The following PPP2R2A variants were observed in gnomAD, a reference collection of about 807,000 sequenced individuals.
PPP2R2A encodes protein phosphatase 2 regulatory subunit Balpha, also known as serine/threonine-protein phosphatase 2A 55 kDa regulatory subunit B alpha isoform.
PPP2R2A carries 9 observed loss-of-function variants against 53.2 expected under a neutral mutation model. The ratio of observed to expected loss-of-function variants is 0.17; its 90% CI spans 0.10 to 0.30. The LOEUF (loss-of-function observed/expected upper bound fraction) is 0.30, where lower values mean the gene tolerates loss of function less well. Among genes scored for constraint, PPP2R2A ranks in the 10% least tolerant of loss-of-function variants. The pLI is 1.00. For synonymous variants in PPP2R2A, 169 were observed against 174.2 expected (o/e 0.97, Z 0.23); for missense variants, 235 against 534.6 (o/e 0.44, Z 5.53).
intron 3 of PPP2R2A, chr8:26,350,774 T>A (rs957397702): frequency 6.6e-6 from 1 of 152,208 alleles, no homozygotes; most frequent in African/African-American, 2.4e-5. Context: ...AAATCTCTTA[T>A]AATTTTCTGT....
At chr8:26,332,321 A>G (rs575929621) in intron 2 of PPP2R2A, among the ~76,000 whole-genome samples, 4 of 150,316 alleles carry the variant, frequency 2.7e-5, no homozygotes, top group Non-Finnish European at 5.9e-5. Context: ...AGATCATGCC[A>G]CTGCACTCCA....
At chr8:26,361,530 C>T (rs763549265) in intron 6 of PPP2R2A, among the ~76,000 whole-genome samples, 89 of 152,116 alleles carry the variant, frequency 5.9e-4, no homozygotes, top group Non-Finnish European at 1.1e-3. Flanking sequence ...CACTTGAGGC[C>T]AGGAGTTCAA....
At chr8:26,349,165 T>A (rs1416773813) in intron 3 of PPP2R2A, among the ~76,000 whole-genome samples, 1 of 152,184 alleles carries the variant, frequency 6.6e-6, no homozygotes, top group Non-Finnish European at 1.5e-5. Flanking sequence ...AAAACAATGG[T>A]CATTATCACA....
At chr8:26,366,654 A>C (rs1805394313) in intron 9 of PPP2R2A, among the ~76,000 whole-genome samples, 1 of 152,134 alleles carries the variant, frequency 6.6e-6, no homozygotes, top group African/African-American at 2.4e-5. Context: ...GAACCAGATC[A>C]CATTTCTGAC....
In PPP2R2A at chr8:26,371,030, A is replaced by G. The variant is rs1354074168; in HGVS notation, c.*617A>G. On this transcript the variant is annotated 3_prime_UTR_variant, in exon 10 of 10. Coordinates refer to ENST00000380737, the MANE Select transcript of PPP2R2A (RefSeq NM_002717.4). ...TATAAAGGGGGTATATGTTGCAAAC[A>G]AATGTTTTAGTAACAGTTGGCTGTA... The G allele has an allele frequency of 6.5e-6, 1 of 152,684 alleles. No homozygotes were observed. Among genetic ancestry groups the G allele is most frequent in the Non-Finnish European group, 1.5e-5 (1 of 68,086 alleles). The allele number at this position is 152,684 out of a possible 1,614,324, so 9.5% of individuals were successfully genotyped here.
At chr8:26,352,686 G>T (rs1804581624) in intron 3 of PPP2R2A, among the ~76,000 whole-genome samples, 1 of 152,166 alleles carries the variant, frequency 6.6e-6, no homozygotes, top group African/African-American at 2.4e-5. Context: ...TTTTGTTTTT[G>T]GATTCTGTAA....
intron 4 of PPP2R2A, chr8:26,358,951 C>T (rs1480523252): frequency 4.4e-6 from 2 of 455,944 alleles, no homozygotes; most frequent in Non-Finnish European, 8.8e-6. Flanking sequence ...CAGAATATGG[C>T]AAGGGTGAAA....
At chr8:26,297,563 T>C (rs1052425786) in intron 2 of PPP2R2A, among the ~76,000 whole-genome samples, 2 of 152,220 alleles carry the variant, frequency 1.3e-5, no homozygotes, top group Non-Finnish European at 2.9e-5. Flanking sequence ...AGACAGTAGG[T>C]TAAGAGCACA....
Position 26,291,597 on chromosome 8 carries a change from C to A in PPP2R2A, c.-223C>A. 1.8e-6 allele frequency: 1 copy of A among 565,686 alleles called. No individual in the cohort carries two copies. Among genetic ancestry groups the A allele is most frequent in the Non-Finnish European group, 3.1e-6 (1 of 321,450 alleles). The allele number at this position is 565,686 out of a possible 1,614,324, so 35.0% of individuals were successfully genotyped here. ...CTGTCGTAGTCGCCGCCGCCGCTGC[C>A]GGAGAAAGAGCACGAGCGGGGAAGC... On this transcript the variant is annotated 5_prime_UTR_variant, in exon 1 of 10. Transcript: ENST00000380737.
chr8:26,309,360 GT>G (rs1293562098), intron 2 of PPP2R2A, among the ~76,000 whole-genome samples: 1 of 152,190 alleles, frequency 6.6e-6, no homozygotes, highest in Non-Finnish European at 1.5e-5. Flanking sequence ...GGCTTAAAAT[GT>G]TTAGTAAACA....
intron 4 of PPP2R2A, among the ~76,000 whole-genome samples, chr8:26,355,960 CTT>C (rs1804763661): frequency 6.6e-6 from 1 of 151,480 alleles, no homozygotes; most frequent in African/African-American, 2.4e-5. Flanking sequence ...TTATGAAAAA[CTT>C]TTTCCTGTGA....
Position 26,370,756 on chromosome 8 carries a change from T to C in PPP2R2A, c.*343T>C. The C allele has an allele frequency of 3.4e-6, 1 of 295,420 alleles. No individual in the cohort carries two copies. The highest frequency in any genetic ancestry group is 6.5e-6 in the Non-Finnish European group (1 of 153,074). 18.3% of individuals were successfully genotyped at this position (295,420 alleles called of 1,614,324 possible). A position where few individuals can be genotyped will look rare whatever the true frequency, so the allele number is the denominator to read the frequency against. The stretch of plus-strand genomic sequence containing the variant: ...GATGACGTCAAACACAGTGAAAGCC[T>C]TCAGTCATGCTATGGGATTTAATTG... On this transcript the variant is annotated 3_prime_UTR_variant, in exon 10 of 10. Transcript: ENST00000380737. This position sits in a 1 kb window ranked among gnomAD's most constrained non-coding sequence, Gnocchi z 6.1.
intron 2 of PPP2R2A, among the ~76,000 whole-genome samples, chr8:26,299,232 AG>A (rs1801674667): frequency 6.6e-6 from 1 of 151,904 alleles, no homozygotes; most frequent in East Asian, 1.9e-4. Flanking sequence ...ACTGGTCTCC[AG>A]CCTGGACAAT....
chr8:26,332,619 T>C (rs1294248026), intron 2 of PPP2R2A, among the ~76,000 whole-genome samples: 2 of 152,204 alleles, frequency 1.3e-5, no homozygotes, highest in Non-Finnish European at 2.9e-5. Context: ...TCTGTAGGGA[T>C]TACAGTGCTT....
chr8:26,332,758 A>G (rs1803452669), intron 2 of PPP2R2A, among the ~76,000 whole-genome samples: 1 of 152,260 alleles, frequency 6.6e-6, no homozygotes, highest in African/African-American at 2.4e-5. Context: ...ATTAATAAGT[A>G]GTATAAAGTT....
At position 26,321,002 on chromosome 8, in the gene PPP2R2A, G is replaced by A. The variant is rs139221600; in HGVS notation, c.83-17888G>A. On this transcript the variant is annotated intron_variant, in intron 2 of 9. Coordinates refer to ENST00000380737, the MANE Select transcript of PPP2R2A (RefSeq NM_002717.4). The surrounding 1 kb of genome is among the most constrained non-coding windows in gnomAD (Gnocchi z 4.1). ...CTAAGCCCATGTGTTAAAACAGACA[G>A]ATGACACACTGAAATGACCAACGAG... Among the ~76,000 whole-genome samples the A allele has an allele frequency of 1.3e-5, 2 of 152,268 alleles. No individual in the cohort carries two copies. The highest frequency in any genetic ancestry group is 4.8e-5 in the African/African-American group (2 of 41,540).
At chr8:26,296,189 A>G (rs923362689) in intron 2 of PPP2R2A, among the ~76,000 whole-genome samples, 11 of 152,160 alleles carry the variant, frequency 7.2e-5, no homozygotes, top group Non-Finnish European at 1.5e-4. Flanking sequence ...TTTTGCTTCA[A>G]AGTTAATCTT....
chr8:26,348,030 C>T (rs1804307671), intron 3 of PPP2R2A, among the ~76,000 whole-genome samples: 1 of 152,110 alleles, frequency 6.6e-6, no homozygotes, highest in African/African-American at 2.4e-5. Context: ...GCCACTGTCC[C>T]TGAATGCCCA....
chr8:26,353,685 C>T (rs577328406), intron 3 of PPP2R2A, among the ~76,000 whole-genome samples: 11 of 152,176 alleles, frequency 7.2e-5, no homozygotes, highest in Admixed American at 2.6e-4. Flanking sequence ...TTAATGCTAA[C>T]CAGAGTAGTT....
Sources: gnomAD v4.1 joint callset for allele counts (sites outside exome capture counted in the v4.1 genomes callset) on GRCh38, gnomAD v4.1.1 for gene constraint, Gnocchi (gnomAD v3.1) non-coding constraint, MANE v1.5 for transcripts, NCBI Gene and HGNC (gene_info 2026-07-23, HGNC 2026-07-21) for gene names.